Variants in GSE1 observed in about 807,000 individuals in gnomAD.
GSE1 encodes the protein genetic suppressor element 1.
Under a neutral mutation model 112.6 loss-of-function variants are expected in GSE1, and 32 were observed. The observed-to-expected ratio is 0.28, with a 90% CI of 0.21 to 0.38. GSE1 has a LOEUF of 0.38. Among genes scored for constraint, GSE1 ranks in the 10% least tolerant of loss-of-function variants. The pLI, the probability that GSE1 is intolerant of heterozygous loss-of-function variation, is 1.00. For missense variants in GSE1, 2,348 were observed against 1,699.2 expected (o/e 1.38, Z -6.71); for synonymous variants, 1,115 against 735.6 (o/e 1.52, Z -8.35).
In GSE1 at chr16:85,665,138, G is replaced by A. The variant is rs1205795622; in HGVS notation, c.2758+10G>A. ...GCCGTCTCCCTGAGTGGTAAGGGAAGGATAGCCCCACCTGCCACCACCCAG... is the reference window on the plus strand; with the variant it reads ...GCCGTCTCCCTGAGTGGTAAGGGAAAGATAGCCCCACCTGCCACCACCCAG... On this transcript the variant is annotated intron_variant, in intron 12 of 15. Coordinates refer to ENST00000253458, the MANE Select transcript of GSE1 (RefSeq NM_014615.5). 1.3e-6 allele frequency: 2 copies of A among 1,532,074 alleles called. No homozygotes were observed. Among genetic ancestry groups the A allele is most frequent in the African/African-American group, 1.4e-5 (1 of 73,394 alleles). 94.9% of individuals were successfully genotyped at this position (1,532,074 alleles called of 1,614,324 possible).
At chr16:85,218,223 T>C (rs1009557672) in intron 1 of GSE1, among the ~76,000 whole-genome samples, 1 of 151,954 alleles carries the variant, frequency 6.6e-6, no homozygotes, top group Non-Finnish European at 1.5e-5. Context: ...CATCTGAAGC[T>C]CACTGTGCTG....
At chr16:85,233,999 G>T (rs1904345250) in intron 1 of GSE1, among the ~76,000 whole-genome samples, 1 of 152,142 alleles carries the variant, frequency 6.6e-6, no homozygotes, top group Non-Finnish European at 1.5e-5. Context: ...CAGCCCCCCA[G>T]CCCCTATATA....
At chr16:85,271,541 A>G (rs1050525282) in intron 1 of GSE1, among the ~76,000 whole-genome samples, 2 of 152,236 alleles carry the variant, frequency 1.3e-5, no homozygotes, top group African/African-American at 4.8e-5. Context: ...ATCATCTGCC[A>G]AAGTGCGGGA....
intron 1 of GSE1, among the ~76,000 whole-genome samples, chr16:85,211,936 G>A (rs886421870): frequency 1.3e-5 from 2 of 152,344 alleles, no homozygotes; most frequent in Admixed American, 6.5e-5. Context: ...GAAGGCTTCT[G>A]TGTCACCCCC....
intron 2 of GSE1, among the ~76,000 whole-genome samples, chr16:85,482,507 C>A (rs200217824): frequency 8.9e-4 from 135 of 152,116 alleles, no homozygotes; most frequent in African/African-American, 3.0e-3. Flanking sequence ...AGTTCCCCCC[C>A]CAAATAAAAT....
chr16:85,354,758 G>A (rs1430805320), intron 1 of GSE1, among the ~76,000 whole-genome samples: 1 of 152,228 alleles, frequency 6.6e-6, no homozygotes, highest in East Asian at 1.9e-4. Flanking sequence ...GAGCCTCTGG[G>A]GCTGGCTGGA....
intron 1 of GSE1, among the ~76,000 whole-genome samples, chr16:85,209,592 A>G (rs1314729360): frequency 6.6e-6 from 1 of 152,186 alleles, no homozygotes; most frequent in South Asian, 2.1e-4. Context: ...CGGCTTCTGC[A>G]GCACCGGCCT....
chr16:85,614,298 G>A (rs1022148851), intron 1 of GSE1, among the ~76,000 whole-genome samples: 31 of 152,120 alleles, frequency 2.0e-4, no homozygotes, highest in Non-Finnish European at 4.0e-4. Flanking sequence ...CAATTATATT[G>A]CAGCACCAGA....
intron 2 of GSE1, among the ~76,000 whole-genome samples, chr16:85,528,161 T>G (rs1003248775): frequency 1.3e-5 from 2 of 152,186 alleles, no homozygotes; most frequent in African/African-American, 4.8e-5. Flanking sequence ...ACAGACAAGA[T>G]TCTCACCCCC....
chr16:85,417,193 T>C (rs1036336418), intron 2 of GSE1, among the ~76,000 whole-genome samples: 3 of 152,184 alleles, frequency 2.0e-5, no homozygotes, highest in Admixed American at 1.3e-4. Context: ...GGTGAGATAA[T>C]TTTGGGTGGT....
intron 1 of GSE1, among the ~76,000 whole-genome samples, chr16:85,202,211 C>A (rs2075041188): frequency 6.6e-6 from 1 of 152,204 alleles, no homozygotes; most frequent in African/African-American, 2.4e-5. Context: ...GCTGGCTGTC[C>A]CCCTCCCAGG....
chr16:85,583,694 T>G (rs918144148), intron 1 of GSE1: 2 of 152,142 alleles, frequency 1.3e-5, no homozygotes, highest in African/African-American at 4.8e-5. Context: ...TGGGGGCTTT[T>G]CATGCCTGCC....
chr16:85,370,715 G>C (rs762429024), intron 2 of GSE1, among the ~76,000 whole-genome samples: 1 of 152,128 alleles, frequency 6.6e-6, no homozygotes, highest in Non-Finnish European at 1.5e-5. Flanking sequence ...CCCAGGGCTG[G>C]ACACTGCAGA....
intron 2 of GSE1, among the ~76,000 whole-genome samples, chr16:85,443,863 C>T (rs915824677): frequency 1.3e-5 from 2 of 152,104 alleles, no homozygotes; most frequent in Non-Finnish European, 2.9e-5. Flanking sequence ...GATGAGATCG[C>T]GCCCACTCTC....
At chr16:85,345,057 G>A (rs907190945) in intron 1 of GSE1, among the ~76,000 whole-genome samples, 12 of 152,228 alleles carry the variant, frequency 7.9e-5, no homozygotes, top group African/African-American at 9.6e-5. Context: ...TTTAGGAGTC[G>A]GCGTACACCG....
intron 1 of GSE1, among the ~76,000 whole-genome samples, chr16:85,564,733 AG>A (rs2151300814): frequency 6.6e-6 from 1 of 152,320 alleles, no homozygotes; most frequent in Non-Finnish European, 1.5e-5. Context: ...CCAGAAGCCA[AG>A]GAACAGTAGG....
rs560089235 is a variant in GSE1, at chr16:85,502,540, G to A, written c.2465-131374G>A. Among the ~76,000 whole-genome samples, 11 of 152,360 alleles carry A rather than the reference G, an allele frequency of 7.2e-5. 1 individual carries two copies. The highest frequency in any genetic ancestry group is 3.9e-4 in the East Asian group (2 of 5,178). ...ACCGGGCTTCTGGAACTCAGCCAGCGCTGGGCCAGGCCTGAGCCAAGGCCT... is the reference window on the plus strand; with the variant it reads ...ACCGGGCTTCTGGAACTCAGCCAGCACTGGGCCAGGCCTGAGCCAAGGCCT... On this transcript the variant is annotated intron_variant, in intron 2 of 2. Transcript: ENST00000637419.
intron 2 of GSE1, among the ~76,000 whole-genome samples, chr16:85,385,668 G>A (rs561593503): frequency 1.3e-5 from 2 of 152,324 alleles, no homozygotes; most frequent in East Asian, 3.9e-4. Flanking sequence ...GTCTGATGAA[G>A]TTCATTTTTC....
chr16:85,455,290 G>A (rs7185114), intron 2 of GSE1, among the ~76,000 whole-genome samples: 3,808 of 152,302 alleles, frequency 0.025, 152 homozygotes, highest in African/African-American at 0.086. Context: ...GGAGGCAGGC[G>A]GGAGGATCGC....
Sources: gnomAD v4.1 joint callset for allele counts (sites outside exome capture counted in the v4.1 genomes callset) on GRCh38, gnomAD v4.1.1 for gene constraint, MANE v1.5 for transcripts, NCBI Gene and HGNC (gene_info 2026-07-23, HGNC 2026-07-21) for gene names.